POLA1: variants seen among roughly 807,000 people sequenced by gnomAD.
POLA1 encodes DNA polymerase alpha 1, catalytic subunit.
A neutral mutation model predicts 124.0 loss-of-function variants in POLA1; 15 were observed. That is an observed-to-expected ratio of 0.12 (90% CI 0.08 to 0.19). POLA1 has a LOEUF of 0.19. Ranked by LOEUF, POLA1 falls within the 10% of genes least tolerant of loss-of-function variation. POLA1 has a pLI of 1.00. For synonymous variants in POLA1, 408 were observed against 389.4 expected, an observed-to-expected ratio of 1.05 and a Z score of -0.56; for missense variants, 886 against 1,103.4, an observed-to-expected ratio of 0.80 and a Z score of 2.79.
intron 35 of POLA1, among the ~76,000 whole-genome samples, chrX:24,928,582 C>T (rs2047728171): frequency 8.9e-6 from 1 of 112,036 alleles, no homozygotes; most frequent in South Asian, 3.7e-4. Flanking sequence ...AATGGCTAAT[C>T]AAATTGACAG....
rs193292640 is a variant in POLA1 at position 24,930,424 on chromosome X, G to A, written c.4165-29G>A. On this transcript the variant is annotated intron_variant, in intron 35 of 36. Coordinates refer to ENST00000379068, the MANE Select transcript of POLA1 (RefSeq NM_001330360.2). Reference sequence around the variant, plus strand: ...CATCGCTTCCCCCTCCCCAGTAGTAGTATTCATTTATTTTCTGTTATATTA... The same window carrying A: ...CATCGCTTCCCCCTCCCCAGTAGTAATATTCATTTATTTTCTGTTATATTA... The A allele has an allele frequency of 2.3e-4, 215 of 915,655 alleles. No individual in the cohort carries two copies. The East Asian group carries it at 4.5e-3, about 19-fold the overall frequency. 75.5% of individuals were successfully genotyped at this position (915,655 alleles called of 1,213,427 possible).
intron 16 of POLA1, 113 bp downstream of exon 16, chrX:24,732,567 G>A: frequency 2.6e-6 from 1 of 390,491 alleles, no homozygotes; most frequent in Non-Finnish European, 4.4e-6. Flanking sequence ...CAAGAATAGT[G>A]CATATTGTTA....
At chrX:24,717,896 TA>T (rs1456911437) in intron 10 of POLA1, 138 bp downstream of exon 10, 1 of 441,411 alleles carries the variant, frequency 2.3e-6, no homozygotes, top group Non-Finnish European at 3.7e-6. Context: ...TCTTTATCCT[TA>T]AATACTTGAG....
chrX:24,735,768 A>G (rs1931235285), intron 18 of POLA1, among the ~76,000 whole-genome samples: 1 of 111,949 alleles, frequency 8.9e-6, no homozygotes, highest in Non-Finnish European at 1.9e-5. Flanking sequence ...GTAAACATGT[A>G]CAAATGGAGT....
At chrX:24,859,923 T>A (rs2046695234) in intron 34 of POLA1, among the ~76,000 whole-genome samples, 1 of 112,867 alleles carries the variant, frequency 8.9e-6, no homozygotes, top group Non-Finnish European at 1.9e-5. Context: ...ACCTTAGGAA[T>A]CTCTAAGAAA....
At chrX:24,884,149 A>C in intron 34 of POLA1, among the ~76,000 whole-genome samples, 1 of 111,341 alleles carries the variant, frequency 9.0e-6, no homozygotes, top group Admixed American at 9.6e-5. Context: ...ATTTATTTTT[A>C]TTAAAAAAAA....
At chrX:24,719,017 T>C (rs904881252) in intron 10 of POLA1, among the ~76,000 whole-genome samples, 1 of 112,099 alleles carries the variant, frequency 8.9e-6, no homozygotes, top group Non-Finnish European at 1.9e-5. Context: ...CCCGTCTTCA[T>C]TGTGGGACTG....
chrX:24,990,191 G>A (rs969519915), intron 36 of POLA1, among the ~76,000 whole-genome samples: 4 of 112,088 alleles, frequency 3.6e-5, no homozygotes, highest in Admixed American at 2.8e-4. Flanking sequence ...AAAATATAAT[G>A]TAAAAAATTA....
chrX:24,941,847 C>T (rs1254857840), intron 36 of POLA1, among the ~76,000 whole-genome samples: 1 of 112,064 alleles, frequency 8.9e-6, no homozygotes, highest in African/African-American at 3.2e-5. Flanking sequence ...TAGCACCATC[C>T]CCTAGAGCTT....
chrX:24,951,242 A>G (rs2048036023), intron 36 of POLA1, among the ~76,000 whole-genome samples: 1 of 94,844 alleles, frequency 1.1e-5, no homozygotes, highest in African/African-American at 4.0e-5. Flanking sequence ...CCTGATTACA[A>G]TTAATTAACA....
At chrX:24,781,510 T>TC (rs746873821) in intron 26 of POLA1, among the ~76,000 whole-genome samples, 9 of 111,974 alleles carry the variant, frequency 8.0e-5, no homozygotes, top group Non-Finnish European at 1.3e-4. Flanking sequence ...TTATTGGATC[T>TC]CATATGGAAT....
chrX:24,947,403 G>A (rs1379350382), intron 36 of POLA1, among the ~76,000 whole-genome samples: 2 of 106,428 alleles, frequency 1.9e-5, no homozygotes, highest in African/African-American at 6.8e-5. Context: ...AAGTAGCTGT[G>A]ACTACAGGCA....
chrX:24,864,234 G>A lies in POLA1; in HGVS notation c.4047+20557G>A, dbSNP rs754227728. ...TGACCTCAGGTGATCCGCCCGCCTCGGCCTCCCAAAGTACTAGGATTACAG... is the reference window on the plus strand; with the variant it reads ...TGACCTCAGGTGATCCGCCCGCCTCAGCCTCCCAAAGTACTAGGATTACAG... On this transcript the variant is annotated intron_variant, in intron 34 of 36. Transcript: ENST00000379068. Among the ~76,000 whole-genome samples, 10 of 110,902 alleles carry A rather than the reference G, an allele frequency of 9.0e-5. No homozygotes were observed. The East Asian group carries it at 2.8e-3, about 32-fold the overall frequency.
chrX:24,920,665 A>G (rs777533342), intron 35 of POLA1, among the ~76,000 whole-genome samples: 1 of 112,301 alleles, frequency 8.9e-6, no homozygotes, highest in South Asian at 3.7e-4. Context: ...CAAGCCCAGT[A>G]ACCTCTTTGA....
At chrX:24,937,723 A>G (rs940728027) in intron 36 of POLA1, among the ~76,000 whole-genome samples, 31 of 112,313 alleles carry the variant, frequency 2.8e-4, no homozygotes, top group Non-Finnish European at 5.4e-4. Flanking sequence ...CTGCATCAGC[A>G]TCTGCATTTT....
chrX:24,866,235 A>G (rs1342947701), intron 34 of POLA1, among the ~76,000 whole-genome samples: 4 of 112,108 alleles, frequency 3.6e-5, no homozygotes, highest in Non-Finnish European at 7.5e-5. Context: ...GTGTTTCAGC[A>G]TAGATTATCT....
At chrX:24,810,861 G>A (rs1241301642) in intron 28 of POLA1, 61 bp downstream of exon 28, 5 of 567,940 alleles carry the variant, frequency 8.8e-6, no homozygotes, top group East Asian at 3.5e-5. Flanking sequence ...TTTCTAACAT[G>A]GAACACTATA....
chrX:24,938,241 C>G (rs1463895342), intron 36 of POLA1, among the ~76,000 whole-genome samples: 1 of 111,680 alleles, frequency 9.0e-6, no homozygotes, highest in Non-Finnish European at 1.9e-5. Flanking sequence ...ATGGTGAAAC[C>G]TCCGTCTCTA....
Position 24,700,815 on chromosome X carries a change from T to C in POLA1, c.168+1266T>C, listed in dbSNP as rs757054311. Among the ~76,000 whole-genome samples the C allele has an allele frequency of 2.7e-5, 3 of 111,889 alleles. No individual in the cohort carries two copies. The East Asian group carries it at 8.4e-4, about 31-fold the overall frequency. ...TGAACCACCACACTGAGCCCAGGAC[T>C]AAAACATTTTTAATGTAGGTACTTG... On this transcript the variant is annotated intron_variant, in intron 2 of 36. Transcript: ENST00000379068.
Sources: allele counts gnomAD v4.1 joint callset (sites outside exome capture counted in the v4.1 genomes callset), GRCh38; gene constraint gnomAD v4.1.1; transcripts MANE v1.5; gene names NCBI Gene and HGNC (gene_info 2026-07-23, HGNC 2026-07-21).